Variants in RAB11FIP1 observed in about 807,000 individuals in gnomAD.
The protein encoded by RAB11FIP1 is RAB11 family interacting protein 1.
In RAB11FIP1, 49 loss-of-function variants were observed where a neutral mutation model predicts 83.1. The observed-to-expected ratio is 0.59, with a 90% CI of 0.47 to 0.75. The LOEUF is 0.75. Among genes scored for constraint, RAB11FIP1 ranks in the 30% least tolerant of loss-of-function variants. The probability of loss-of-function intolerance (pLI) is 0.00; values close to 1 mark genes in which losing one functional copy is unlikely to be tolerated. For synonymous variants in RAB11FIP1, 670 were observed against 656.0 expected, an observed-to-expected ratio of 1.02 and a Z score of -0.33; for missense variants, 1,536 against 1,598.7, an observed-to-expected ratio of 0.96 and a Z score of 0.67.
At chr8:37,870,689 G>A (rs1585430007) in intron 4 of RAB11FIP1, 161 bp from the exon 5 acceptor site, 1 of 549,470 alleles carries the variant, frequency 1.8e-6, no homozygotes, top group Non-Finnish European at 3.2e-6. Context: ...AGTTCCTGTG[G>A]AAACAAAAGC....
intron 1 of RAB11FIP1, among the ~76,000 whole-genome samples, chr8:37,888,689 G>A (rs907299889): frequency 6.6e-6 from 1 of 151,394 alleles, no homozygotes; most frequent in African/African-American, 2.4e-5. Context: ...TGTTGCTTAA[G>A]CTGGTTTTAA....
chr8:37,864,055 C>T (rs1427172817), intron 5 of RAB11FIP1, among the ~76,000 whole-genome samples: 1 of 152,212 alleles, frequency 6.6e-6, no homozygotes, highest in Non-Finnish European at 1.5e-5. Context: ...GCAGAGGACA[C>T]CCAGGGACCC....
In RAB11FIP1 at chr8:37,873,075, A is replaced by G. The variant is rs75705762; in HGVS notation, c.1727T>C (p.Val576Ala). The G allele has an allele frequency of 5.1e-3, 8,225 of 1,614,042 alleles. 498 individuals are homozygous for G. In the East Asian group the frequency reaches 0.13, roughly 26 times the overall value. The change falls in exon 4 of 6, where the codon GTC becomes GCC. Residue 576 changes from valine to alanine, a missense_variant. By Grantham distance (64) the Val-to-Ala change is moderately conservative. Transcript: ENST00000330843. ...TGCACCATGTCCCAATTCAGAGGGG[A>G]CAGATGCCTGGCCAGAGCTAGAAGG... ...PLPSSSGQAS[V>A]PSELGHGADT...
rs774157362 is a variant in RAB11FIP1, at chr8:37,872,283, G to A, written c.2519C>T (p.Pro840Leu). The change falls in exon 4 of 6, where the codon CCT becomes CTT. Residue 840 changes from proline (P) to leucine (L), a missense_variant. Coordinates refer to ENST00000330843, the MANE Select transcript of RAB11FIP1 (RefSeq NM_001002814.3). ...GHSSCPQELN[P>L]AWSVAGNASD... ...CGCGTTTCCAGCAACAGACCATGCA[G>A]GGTTCAGCTCCTGGGGACAACTGCT... 3 of 1,613,972 alleles carry A rather than the reference G, an allele frequency of 1.9e-6. No individual in the cohort carries two copies. Among genetic ancestry groups the A allele is most frequent in the Non-Finnish European group, 2.5e-6 (3 of 1,179,994 alleles).
chr8:37,875,307 C>G lies in RAB11FIP1; in HGVS notation c.830G>C (p.Arg277Thr). 1.2e-6 allele frequency: 2 copies of G among 1,610,770 alleles called. No homozygotes were observed. Among genetic ancestry groups the G allele is most frequent in the Non-Finnish European group, 1.7e-6 (2 of 1,178,620 alleles). Residue 277 changes from arginine (R) to threonine (T), a missense_variant, in exon 3 of 6, where the codon AGA becomes ACA. Coordinates refer to ENST00000330843, the MANE Select transcript of RAB11FIP1 (RefSeq NM_001002814.3). The stretch of plus-strand genomic sequence containing the variant: ...TTGCTTAAGATCCGTACTCGCTGTT[C>G]TCTTGTGAGACATGACTTTGGGAAG... ...SSASDVMSHK[R>T]TASTDLKQLN...
intron 2 of RAB11FIP1, 57 bp from the exon 3 acceptor site, chr8:37,875,379 G>A: frequency 7.7e-7 from 1 of 1,305,132 alleles, no homozygotes; most frequent in Non-Finnish European, 1.1e-6. Context: ...GGTTTGCAGT[G>A]TAGGGGCATC....
In RAB11FIP1 at chr8:37,859,366, G is replaced by C. The variant is rs1031207993; in HGVS notation, c.*3529C>G. On this transcript the variant is annotated 3_prime_UTR_variant, in exon 6 of 6. Coordinates refer to ENST00000330843, the MANE Select transcript of RAB11FIP1 (RefSeq NM_001002814.3). ...TCATGGACCTTCCTCCCTCTGCCCC[G>C]TTGAGCTCCCACTGTTAGCAAAACT... 2 of 152,200 alleles carry C rather than the reference G, an allele frequency of 1.3e-5. No homozygotes were observed. Among genetic ancestry groups the C allele is most frequent in the African/African-American group, 4.8e-5 (2 of 41,416 alleles). 9.4% of individuals were successfully genotyped at this position (152,200 alleles called of 1,614,324 possible). A position where few individuals can be genotyped will look rare whatever the true frequency, so the allele number is the denominator to read the frequency against.
At position 37,863,022 on chromosome 8, in the gene RAB11FIP1, C is replaced by T. The variant is rs1806271440; in HGVS notation, c.3725G>A (p.Ser1242Asn). 1.2e-6 allele frequency: 2 copies of T among 1,613,506 alleles called. No individual in the cohort carries two copies. The highest frequency in any genetic ancestry group is 1.7e-6 in the Non-Finnish European group (2 of 1,180,026). ...CTCGCGGACCTGGAACTCCTTCTTG[C>T]TTATCGTTTCCTTCTGTTTGAGGAC... ...QLVLKQKETI[S>N]KKEFQVRELE... Residue 1242 changes from serine (S) to asparagine (N), a missense_variant, in exon 6 of 6, where the codon AGC (serine) becomes AAC (asparagine). Physicochemically the swap from Ser to Asn is conservative, Grantham distance 46. Transcript: ENST00000330843.
In RAB11FIP1 at chr8:37,872,301, C is replaced by A. The variant is rs767085174; in HGVS notation, c.2501G>T (p.Cys834Phe). ...CCATGCAGGGTTCAGCTCCTGGGGA[C>A]AACTGCTGTGTCCTTCCACCAGCAA... ...AALLVEGHSS[C>F]PQELNPAWSV... is the part of the protein sequence containing the mutation. The change falls in exon 4 of 6, where the codon TGT becomes TTT. Residue 834 changes from cysteine to phenylalanine, a missense_variant. Cys to Phe is a radical substitution (Grantham distance 205, BLOSUM62 -2). Coordinates refer to ENST00000330843, the MANE Select transcript of RAB11FIP1 (RefSeq NM_001002814.3). The A allele has an allele frequency of 1.9e-6, 3 of 1,614,014 alleles. No homozygotes were observed. The highest frequency in any genetic ancestry group is 2.5e-6 in the Non-Finnish European group (3 of 1,179,942).
At position 37,862,901 on chromosome 8, in the gene RAB11FIP1, C is replaced by A; in HGVS notation, c.3846G>T (p.Lys1282Asn). 1 of 1,609,256 alleles carries A rather than the reference C, an allele frequency of 6.2e-7. No individual in the cohort carries two copies. The highest frequency in any genetic ancestry group is 8.5e-7 in the Non-Finnish European group (1 of 1,176,548). The change falls in exon 6 of 6, where the codon AAG (lysine) becomes AAT (asparagine). Residue 1282 changes from lysine to asparagine, a missense_variant. Coordinates refer to ENST00000330843, the MANE Select transcript of RAB11FIP1 (RefSeq NM_001002814.3). Reference sequence around the variant, plus strand: ...GTGTTTTTTTTCTGCTGATTTACATCTTTCCTGCTTTTTTGCCAACCTGAG... The same window carrying A: ...GTGTTTTTTTTCTGCTGATTTACATATTTCCTGCTTTTTTGCCAACCTGAG... ...IPTQVGKKAGKM is the reference protein window; with the variant it reads ...IPTQVGKKAGNM
At position 37,863,102 on chromosome 8, in the gene RAB11FIP1, G is replaced by A. The variant is rs376054666; in HGVS notation, c.3645C>T (p.Pro1215=). 7 of 1,611,796 alleles carry A rather than the reference G, an allele frequency of 4.3e-6. No individual in the cohort carries two copies. The highest frequency in any genetic ancestry group is 1.1e-5 in the South Asian group (1 of 90,976). The change falls in exon 6 of 6, where the codon CCC becomes CCT. Residue 1215 remains proline (P), a synonymous_variant. Coordinates refer to ENST00000330843, the MANE Select transcript of RAB11FIP1 (RefSeq NM_001002814.3). ...GCGCATATGCAAATGCAGGGTCCGAGGGGCTGTATTTCTTTGGAGGGGGGG... is the reference window on the plus strand; with the variant it reads ...GCGCATATGCAAATGCAGGGTCCGAAGGGCTGTATTTCTTTGGAGGGGGGG... ...NNEVMMKKYS[P]SDPAFAYAQL... is the part of the protein sequence containing the mutation.
Position 37,862,755 on chromosome 8 carries a change from A to C in RAB11FIP1, c.*140T>G. 1.5e-6 allele frequency: 1 copy of C among 652,890 alleles called. No homozygotes were observed. The highest frequency in any genetic ancestry group is 2.6e-5 in the East Asian group (1 of 38,458). The allele number at this position is 652,890 out of a possible 1,614,324, so 40.4% of individuals were successfully genotyped here. A position where few individuals can be genotyped will look rare whatever the true frequency, so the allele number is the denominator to read the frequency against. On this transcript the variant is annotated 3_prime_UTR_variant, in exon 6 of 6. Transcript: ENST00000330843. ...CATTAACCTGGCTTCCATTGGTAGA[A>C]TTCACTCTTGCCGGATAACATGTGA... is the stretch of plus-strand genomic sequence containing the variant.
chr8:37,873,766 T>G (rs920874346), intron 3 of RAB11FIP1, among the ~76,000 whole-genome samples: 2 of 152,100 alleles, frequency 1.3e-5, no homozygotes, highest in African/African-American at 4.8e-5. Flanking sequence ...AGCATTTGAT[T>G]ATTACAGGAC....
In RAB11FIP1 at chr8:37,877,304, C is replaced by T; in HGVS notation, c.619G>A (p.Val207Met). 6.2e-7 allele frequency: 1 copy of T among 1,614,210 alleles called. No homozygotes were observed. The highest frequency in any genetic ancestry group is 8.5e-7 in the Non-Finnish European group (1 of 1,180,030). ...GATTTCTTTTTCTTGTCTTTAACCA[C>T]AGACTCATCATCACTGTCGACCGAA... The part of the protein sequence containing the change: ...TPSVDSDDES[V>M]VKDKKKKSKI... Residue 207 changes from valine to methionine, a missense_variant, in exon 2 of 6, where the codon GTG becomes ATG. By Grantham distance (21) the Val-to-Met change is conservative. Transcript: ENST00000330843.
chr8:37,864,603 T>A, intron 5 of RAB11FIP1, among the ~76,000 whole-genome samples: 1 of 152,058 alleles, frequency 6.6e-6, no homozygotes, highest in East Asian at 1.9e-4. Flanking sequence ...AAAGGAGGGA[T>A]CCCAGCCCTC....
Position 37,872,305 on chromosome 8 carries a change from T to C in RAB11FIP1, c.2497A>G (p.Ser833Gly). Residue 833 changes from serine (S) to glycine (G), a missense_variant, in exon 4 of 6, where the codon AGT becomes GGT. By Grantham distance (56) the Ser-to-Gly change is moderately conservative. Coordinates refer to ENST00000330843, the MANE Select transcript of RAB11FIP1 (RefSeq NM_001002814.3). ...GAALLVEGHSSCPQELNPAWS... is the reference protein window; with the variant it reads ...GAALLVEGHSGCPQELNPAWS... The stretch of plus-strand genomic sequence containing the variant: ...GCAGGGTTCAGCTCCTGGGGACAAC[T>C]GCTGTGTCCTTCCACCAGCAAGGCA... 6.2e-7 allele frequency: 1 copy of C among 1,614,096 alleles called. No individual in the cohort carries two copies.
intron 1 of RAB11FIP1, among the ~76,000 whole-genome samples, chr8:37,894,864 C>T (rs1563376283): frequency 6.6e-6 from 1 of 150,606 alleles, no homozygotes; most frequent in Non-Finnish European, 1.5e-5. Flanking sequence ...TTTCTCCTAC[C>T]TCAGCCTCCC....
At chr8:37,870,325 C>T (rs1409797862) in intron 5 of RAB11FIP1, 95 bp downstream of exon 5, 4 of 664,226 alleles carry the variant, frequency 6.0e-6, no homozygotes, top group Non-Finnish European at 8.1e-6. Flanking sequence ...GTTCCTGGCA[C>T]CACCGGCTGC....
chr8:37,862,950 G>A lies in RAB11FIP1; in HGVS notation c.3797C>T (p.Thr1266Ile), dbSNP rs766157408. The part of the protein sequence containing the change: ...DNLLVRVMEE[T>I]PNILRIPTQV... ...AGTCGGGATGCGGAGGATATTGGGG[G>A]TTTCTTCCATGACCCTGACAAGCAG... Residue 1266 changes from threonine (T) to isoleucine (I), a missense_variant, in exon 6 of 6, where the codon ACC (threonine) becomes ATC (isoleucine). By Grantham distance (89) the Thr-to-Ile change is moderately conservative. Transcript: ENST00000330843. 19 of 1,613,806 alleles carry A rather than the reference G, an allele frequency of 1.2e-5. No individual in the cohort carries two copies. The highest frequency in any genetic ancestry group is 2.2e-5 in the East Asian group (1 of 44,858).
Sources: allele counts gnomAD v4.1 joint callset (sites outside exome capture counted in the v4.1 genomes callset), GRCh38; gene constraint gnomAD v4.1.1; transcripts MANE v1.5; gene names NCBI Gene and HGNC (gene_info 2026-07-23, HGNC 2026-07-21).